PRH1: variants seen among roughly 807,000 people sequenced by gnomAD.
PRH1 encodes salivary acidic proline-rich phosphoprotein 1/2.
In PRH1, 7 loss-of-function variants were observed where a neutral mutation model predicts 7.9. That is an observed-to-expected ratio of 0.89 (90% CI 0.50 to 1.67). The LOEUF (loss-of-function observed/expected upper bound fraction) is 1.67, where lower values mean the gene tolerates loss of function less well. Ranked by LOEUF, PRH1 falls within the 40% of genes most tolerant of loss-of-function variation. The pLI, the probability that PRH1 is intolerant of heterozygous loss-of-function variation, is 0.00. For missense variants in PRH1, 109 were observed against 223.6 expected (o/e 0.49, Z 3.27); for synonymous variants, 45 against 80.8 (o/e 0.56, Z 2.38).
chr12:11,060,588 T>C (rs1006092247), intron 1 of PRH1, among the ~76,000 whole-genome samples: 1 of 152,116 alleles, frequency 6.6e-6, no homozygotes, highest in African/African-American at 2.4e-5. Context: ...TAACTACATA[T>C]GGAAACTGAT....
At chr12:11,052,035 C>T (rs1157233076), upstream of PRH1, among the ~76,000 whole-genome samples, 4 of 152,248 alleles carry the variant, frequency 2.6e-5, no homozygotes, top group African/African-American at 9.6e-5. Context: ...TTCAAATTCT[C>T]CTCACAGACA....
chr12:11,038,353 T>C (rs1394611434), intron 1 of PRH1, among the ~76,000 whole-genome samples: 1 of 152,264 alleles, frequency 6.6e-6, no homozygotes, highest in Non-Finnish European at 1.5e-5. Context: ...AATCCCAATA[T>C]ATGTCTTCTT....
chr12:11,139,960 C>T (rs1203330383), intron 1 of PRH1, among the ~76,000 whole-genome samples: 7 of 151,888 alleles, frequency 4.6e-5, no homozygotes, highest in Admixed American at 6.6e-5. Context: ...TATTATTAAA[C>T]AATAGTTTCC....
intron 1 of PRH1, among the ~76,000 whole-genome samples, chr12:10,979,361 G>T (rs1244541149): frequency 6.6e-6 from 1 of 152,210 alleles, no homozygotes; most frequent in Non-Finnish European, 1.5e-5. Context: ...AGTGTTTAGT[G>T]TTGATATCTG....
chr12:11,027,447 C>A (rs959734163), intron 1 of PRH1, among the ~76,000 whole-genome samples: 1 of 151,850 alleles, frequency 6.6e-6, no homozygotes. Context: ...TTCAGTGTCC[C>A]TAGACCACAC....
chr12:11,002,956 T>C (rs1193919494), intron 1 of PRH1, among the ~76,000 whole-genome samples: 3 of 152,044 alleles, frequency 2.0e-5, no homozygotes, highest in Admixed American at 1.3e-4. Flanking sequence ...CATACTTTAA[T>C]ATTTGTACCT....
intron 1 of PRH1, among the ~76,000 whole-genome samples, chr12:11,158,329 A>G (rs899888891): frequency 5.9e-5 from 9 of 152,180 alleles, no homozygotes; most frequent in Non-Finnish European, 1.3e-4. Flanking sequence ...AACATATCCA[A>G]GCATTACACT....
chr12:11,168,262 AAG>A (rs1947660559), intron 1 of PRH1, among the ~76,000 whole-genome samples: 1 of 50,046 alleles, frequency 2.0e-5, no homozygotes, highest in East Asian at 3.4e-4. Context: ...GAAAGAAAGA[AAG>A]AAAGAAAGAA....
chr12:11,158,470 T>C (rs1156823731), intron 1 of PRH1, among the ~76,000 whole-genome samples: 2 of 152,186 alleles, frequency 1.3e-5, no homozygotes, highest in Admixed American at 6.5e-5. Flanking sequence ...ATATATTTAT[T>C]CATATTGCCT....
intron 2 of PRH1, among the ~76,000 whole-genome samples, chr12:10,943,189 C>T (rs1950431149): frequency 6.6e-6 from 1 of 152,196 alleles, no homozygotes; most frequent in African/African-American, 2.4e-5. Context: ...CTCTGTCTTT[C>T]CAAGTCAGAA....
upstream of PRH1, among the ~76,000 whole-genome samples, chr12:11,051,698 T>C (rs1943152103): frequency 6.6e-6 from 1 of 152,194 alleles, no homozygotes; most frequent in Non-Finnish European, 1.5e-5. Context: ...CTAAACTCAA[T>C]AGCTTGGTTT....
intron 1 of PRH1, chr12:11,030,826 A>C: frequency 1.2e-6 from 2 of 1,614,064 alleles, no homozygotes; most frequent in Non-Finnish European, 1.7e-6. Flanking sequence ...GGTACACTGC[A>C]CTCCTCAATT....
chr12:11,162,179 T>C (rs1055395583), intron 1 of PRH1, among the ~76,000 whole-genome samples: 2 of 151,998 alleles, frequency 1.3e-5, no homozygotes, highest in Admixed American at 1.3e-4. Flanking sequence ...CCTCAGAAAA[T>C]GATGGATAAG....
chr12:10,884,476 A>T (rs1014400521), upstream of PRH1, among the ~76,000 whole-genome samples: 9 of 152,190 alleles, frequency 5.9e-5, no homozygotes, highest in African/African-American at 2.2e-4. Context: ...ACTTGGACAA[A>T]TGTTTTGACG....
intron 2 of PRH1, among the ~76,000 whole-genome samples, chr12:10,928,888 T>C (rs571723732): frequency 6.6e-6 from 1 of 152,272 alleles, no homozygotes; most frequent in South Asian, 2.1e-4. Context: ...CAAACTCACA[T>C]ACACACAAAT....
In PRH1 at chr12:11,085,769, T is replaced by G. The variant is rs1276957061; in HGVS notation, n.124-38581A>C. 2.2e-4 allele frequency among the ~76,000 whole-genome samples: 26 copies of G among 118,016 alleles called. 5 individuals are homozygous for G. Among genetic ancestry groups the G allele is most frequent in the African/African-American group, 7.4e-4 (26 of 35,230 alleles). The allele number at this position is 118,016 out of a possible 152,430, so 77.4% of individuals were successfully genotyped here. A position where few individuals can be genotyped will look rare whatever the true frequency, so the allele number is the denominator to read the frequency against. On this transcript the variant is annotated intron_variant and non_coding_transcript_variant, in intron 1 of 4. Coordinates refer to the PRH1 transcript ENST00000541977. ...CAGGCATACAAATCAAGTCATATTCTTATTCATCATTTTGAAATTTTTTCC... is the reference window on the plus strand; with the variant it reads ...CAGGCATACAAATCAAGTCATATTCGTATTCATCATTTTGAAATTTTTTCC...
chr12:11,005,409 A>G (rs1420296676), intron 1 of PRH1, among the ~76,000 whole-genome samples: 1 of 152,174 alleles, frequency 6.6e-6, no homozygotes, highest in Non-Finnish European at 1.5e-5. Context: ...TAGTTCCTAC[A>G]TTGGATATCT....
intron 1 of PRH1, among the ~76,000 whole-genome samples, chr12:11,142,533 T>C (rs1946729517): frequency 3.3e-5 from 5 of 152,132 alleles, no homozygotes; most frequent in Admixed American, 3.3e-4. Context: ...GTCCAGAAAC[T>C]AACACCAACA....
intron 2 of PRH1, among the ~76,000 whole-genome samples, chr12:10,962,144 A>T (rs1280485386): frequency 6.6e-6 from 1 of 152,210 alleles, no homozygotes; most frequent in Non-Finnish European, 1.5e-5. Flanking sequence ...ATATTCATTC[A>T]GTGGTATAAT....
Sources: allele counts gnomAD v4.1 joint callset (sites outside exome capture counted in the v4.1 genomes callset), GRCh38; gene constraint gnomAD v4.1.1; transcripts MANE v1.5; gene names NCBI Gene and HGNC (gene_info 2026-07-23, HGNC 2026-07-21).